LPL: variants seen among roughly 807,000 people sequenced by gnomAD.
LPL encodes lipoprotein lipase, also known as phospholipase A1.
A neutral mutation model predicts 52.2 loss-of-function variants in LPL; 43 were observed. The ratio of observed to expected loss-of-function variants is 0.82; its 90% CI spans 0.64 to 1.06. The LOEUF (loss-of-function observed/expected upper bound fraction) is 1.06, where lower values mean the gene tolerates loss of function less well. LPL is among the 50% of genes least tolerant of loss of function. The pLI is 0.00. For missense variants in LPL, 639 were observed against 585.3 expected (o/e 1.09, Z -0.95); for synonymous variants, 244 against 215.6 (o/e 1.13, Z -1.15).
At chr8:19,960,814 T>C in intron 7 of LPL, 87 bp from the exon 8 acceptor site, 1 of 920,714 alleles carries the variant, frequency 1.1e-6, no homozygotes, top group Non-Finnish European at 1.8e-6. Flanking sequence ...ATAATAAAGC[T>C]ATTTATATTT....
At chr8:19,962,262 C>A in intron 9 of LPL, 43 bp downstream of exon 9, 3 of 1,487,442 alleles carry the variant, frequency 2.0e-6, no homozygotes, top group South Asian at 2.3e-5. Context: ...CCTGAGCTTG[C>A]ACCCTAAGGG....
At chr8:19,955,794 T>A (rs758756700) in intron 5 of LPL, 47 bp from the exon 6 acceptor site, 3 of 1,613,504 alleles carry the variant, frequency 1.9e-6, no homozygotes, top group Non-Finnish European at 2.5e-6. Context: ...AAACACTCTT[T>A]GTGAATTTCT....
At chr8:19,957,223 C>G (rs575933169) in intron 6 of LPL, among the ~76,000 whole-genome samples, 1 of 152,058 alleles carries the variant, frequency 6.6e-6, no homozygotes, top group African/African-American at 2.4e-5. Flanking sequence ...AAGGAATGGT[C>G]GGAAAATGAG....
At position 19,959,296 on chromosome 8, in the gene LPL, C is replaced by G. The variant is rs946250159; in HGVS notation, c.1055C>G (p.Thr352Ser). The change falls in exon 7 of 10, where the codon ACT becomes AGT. Residue 352 changes from threonine to serine, a missense_variant. Transcript: ENST00000650287. ...CAAGTAAAGATTCATTTTTCTGGGA[C>G]TGAGAGTGAAACCCATACCAATCAG... ...HYQVKIHFSGTESETHTNQAF... is the reference protein window; with the variant it reads ...HYQVKIHFSGSESETHTNQAF... The G allele has an allele frequency of 1.2e-5, 19 of 1,614,156 alleles. No homozygotes were observed. The East Asian group carries it at 4.0e-4, about 34-fold the overall frequency.
At chr8:19,959,163 T>C (rs1431558938) in intron 6 of LPL, 97 bp from the exon 7 acceptor site, 7 of 1,482,072 alleles carry the variant, frequency 4.7e-6, no homozygotes, top group Non-Finnish European at 6.6e-6. Flanking sequence ...GTTTGAGTGC[T>C]AGTGAGATAC....
intron 1 of LPL, among the ~76,000 whole-genome samples, chr8:19,943,351 T>A (rs2069856242): frequency 6.6e-6 from 1 of 152,212 alleles, no homozygotes; most frequent in South Asian, 2.1e-4. Context: ...ACAGCTATCA[T>A]GACATCAATA....
chr8:19,942,264 A>T (rs2069847470), intron 1 of LPL, among the ~76,000 whole-genome samples: 1 of 152,208 alleles, frequency 6.6e-6, no homozygotes, highest in Non-Finnish European at 1.5e-5. Flanking sequence ...ATGCCTTGCA[A>T]CTTACAATAT....
At chr8:19,956,754 T>A (rs2069989788) in intron 6 of LPL, among the ~76,000 whole-genome samples, 1 of 152,192 alleles carries the variant, frequency 6.6e-6, no homozygotes, top group Non-Finnish European at 1.5e-5. Context: ...CCACAGAGCC[T>A]AAAATATTTA....
intron 1 of LPL, among the ~76,000 whole-genome samples, chr8:19,940,079 C>T (rs1176584577): frequency 6.6e-6 from 1 of 152,214 alleles, no homozygotes; most frequent in Non-Finnish European, 1.5e-5. Flanking sequence ...TACGCTCGCC[C>T]TCGGCGGGGC....
chr8:19,961,909 A>G (rs2070042387), intron 8 of LPL, among the ~76,000 whole-genome samples: 1 of 152,186 alleles, frequency 6.6e-6, no homozygotes, highest in Non-Finnish European at 1.5e-5. Context: ...TAAATTAACT[A>G]GCTTGGTTGC....
In LPL at chr8:19,960,914, A is replaced by G; in HGVS notation, c.1153A>G (p.Thr385Ala). Residue 385 changes from threonine (T) to alanine (A), a missense_variant, in exon 8 of 10, where the codon ACA becomes GCA. By Grantham distance (58) the Thr-to-Ala change is moderately conservative. Transcript: ENST00000650287. ...TTTTTTGTTTAGGCCTGAAGTTTCC[A>G]CAAATAAGACCTACTCCTTCCTAAT... ...NIPFTLPEVS[T>A]NKTYSFLIYT... 6.2e-7 allele frequency: 1 copy of G among 1,613,870 alleles called. No individual in the cohort carries two copies. Among genetic ancestry groups the G allele is most frequent in the East Asian group, 2.2e-5 (1 of 44,848 alleles).
rs1362456283 is a variant in LPL, at chr8:19,960,974, T to C, written c.1213T>C (p.Leu405=). 8 of 1,614,108 alleles carry C rather than the reference T, an allele frequency of 5.0e-6. No homozygotes were observed. Among genetic ancestry groups the C allele is most frequent in the Admixed American group, 1.7e-5 (1 of 60,016 alleles). ...GGTAGATATTGGAGAACTACTCATG[T>C]TGAAGCTCAAATGGAAGAGTGATTC... The part of the protein sequence containing the change: ...TEVDIGELLM[L]KLKWKSDSYF... The change falls in exon 8 of 10, where the codon TTG becomes CTG. Residue 405 remains leucine, a synonymous_variant. Transcript: ENST00000650287.
chr8:19,956,035 A>G lies in LPL; in HGVS notation c.970A>G (p.Arg324Gly). 6.2e-7 allele frequency: 1 copy of G among 1,614,238 alleles called. No homozygotes were observed. The highest frequency in any genetic ancestry group is 8.5e-7 in the Non-Finnish European group (1 of 1,180,042). Residue 324 changes from arginine to glycine, a missense_variant, in exon 6 of 10, where the codon AGA becomes GGA. By Grantham distance (125) the Arg-to-Gly change is moderately radical. Coordinates refer to ENST00000650287, the MANE Select transcript of LPL (RefSeq NM_000237.3). ...TGAGATCAATAAAGTCAGAGCCAAA[A>G]GAAGCAGCAAAATGTACCTGAAGAC... ...GYEINKVRAK[R>G]SSKMYLKTRS...
chr8:19,949,342 A>G (rs993147120), intron 2 of LPL, among the ~76,000 whole-genome samples: 2 of 152,182 alleles, frequency 1.3e-5, no homozygotes, highest in African/African-American at 2.4e-5. Flanking sequence ...AGATGAGACT[A>G]CTACTAACAG....
chr8:19,960,962 G>A lies in LPL; in HGVS notation c.1201G>A (p.Glu401Lys), dbSNP rs150009614. The A allele has an allele frequency of 3.7e-6, 6 of 1,613,896 alleles. No homozygotes were observed. The African/African-American group carries it at 8.0e-5, about 22-fold the overall frequency. The change falls in exon 8 of 10, where the codon GAA (glutamate) becomes AAA (lysine). Residue 401 changes from glutamate to lysine, a missense_variant. Glu to Lys is a moderately conservative substitution (Grantham distance 56). Coordinates refer to ENST00000650287, the MANE Select transcript of LPL (RefSeq NM_000237.3). ...AATTTACACAGAGGTAGATATTGGA[G>A]AACTACTCATGTTGAAGCTCAAATG... Reference protein sequence around the residue: ...FLIYTEVDIGELLMLKLKWKS... With the variant: ...FLIYTEVDIGKLLMLKLKWKS...
chr8:19,941,921 C>T (rs949406061), intron 1 of LPL, among the ~76,000 whole-genome samples: 1 of 152,162 alleles, frequency 6.6e-6, no homozygotes, highest in African/African-American at 2.4e-5. Context: ...AATTAGGAAA[C>T]GTGAAGAGCT....
intron 2 of LPL, among the ~76,000 whole-genome samples, chr8:19,948,682 C>A (rs534053558): frequency 1.3e-5 from 2 of 152,088 alleles, no homozygotes; most frequent in Non-Finnish European, 2.9e-5. Flanking sequence ...CCCGCATCAC[C>A]CAGCACATTG....
chr8:19,959,468 C>G, intron 7 of LPL, 88 bp downstream of exon 7: 3 of 1,487,014 alleles, frequency 2.0e-6, no homozygotes, highest in Non-Finnish European at 2.7e-6. Flanking sequence ...GAGAGCGATG[C>G]CTAGAAAACA....
intron 5 of LPL, 23 bp from the exon 6 acceptor site, chr8:19,955,818 C>G: frequency 6.2e-7 from 1 of 1,614,098 alleles, no homozygotes; most frequent in Non-Finnish European, 8.5e-7. Flanking sequence ...GAGATACAAT[C>G]TTGGTGTCTC....
Sources: gnomAD v4.1 joint callset for allele counts (sites outside exome capture counted in the v4.1 genomes callset) on GRCh38, gnomAD v4.1.1 for gene constraint, MANE v1.5 for transcripts, NCBI Gene and HGNC (gene_info 2026-07-23, HGNC 2026-07-21) for gene names.